CDS2: variants seen among roughly 807,000 people sequenced by gnomAD.
The protein encoded by CDS2 is CDP-diacylglycerol synthase 2, also known as phosphatidate cytidylyltransferase 2.
A neutral mutation model predicts 59.0 loss-of-function variants in CDS2; 47 were observed. That is an observed-to-expected ratio of 0.80 (90% CI 0.63 to 1.02). The LOEUF (loss-of-function observed/expected upper bound fraction) is 1.02, where lower values mean the gene tolerates loss of function less well. Among genes scored for constraint, CDS2 ranks in the 50% least tolerant of loss-of-function variants. The pLI is 0.00. For synonymous variants in CDS2, 207 were observed against 206.4 expected (o/e 1.00, Z -0.02); for missense variants, 356 against 558.9 (o/e 0.64, Z 3.66).
At chr20:5,179,804 C>T (rs758437301) in intron 5 of CDS2, among the ~76,000 whole-genome samples, 16 of 152,142 alleles carry the variant, frequency 1.1e-4, no homozygotes, top group Non-Finnish European at 2.2e-4. Context: ...AACATTAAAG[C>T]GTTATATTAG....
intron 5 of CDS2, among the ~76,000 whole-genome samples, chr20:5,181,470 A>G (rs1409143229): frequency 6.6e-6 from 1 of 152,230 alleles, no homozygotes; most frequent in East Asian, 1.9e-4. Flanking sequence ...TGTGGAGGAA[A>G]GTGAAAGCAA....
chr20:5,186,981 C>T (rs1003755983), intron 10 of CDS2, 142 bp downstream of exon 10: 15 of 885,596 alleles, frequency 1.7e-5, no homozygotes, highest in South Asian at 7.8e-5. Flanking sequence ...GAATTGCTCA[C>T]GCCAGGTCAG....
At position 5,176,712 on chromosome 20, in the gene CDS2, CAT is replaced by C. The variant is rs1162601058; in HGVS notation, c.359_360del (p.Tyr120Ter). On this transcript the variant is annotated frameshift_variant, in exon 4 of 13. Coordinates refer to ENST00000460006, the MANE Select transcript of CDS2 (RefSeq NM_003818.4). LOFTEE classifies it high-confidence loss of function. ...ACTATTGGCTACAACGTCTACCACT[CAT>C]ATGATCTGCCCTGGTTCAGGACGCT... 2 of 1,614,024 alleles carry C rather than the reference CAT, an allele frequency of 1.2e-6. No individual in the cohort carries two copies. Among genetic ancestry groups the C allele is most frequent in the East Asian group, 2.2e-5 (1 of 44,892 alleles).
At chr20:5,130,748 A>C (rs1274202475) in intron 1 of CDS2, among the ~76,000 whole-genome samples, 1 of 150,826 alleles carries the variant, frequency 6.6e-6, no homozygotes, top group East Asian at 2.0e-4. Context: ...GCGCCGTTGC[A>C]CTCCATCCAG....
intron 1 of CDS2, among the ~76,000 whole-genome samples, chr20:5,156,951 A>G (rs1343958184): frequency 6.6e-6 from 1 of 152,206 alleles, no homozygotes; most frequent in African/African-American, 2.4e-5. Flanking sequence ...AAGGGAGCAC[A>G]GTGCTCTGAT....
intron 4 of CDS2, 41 bp from the exon 5 acceptor site, chr20:5,178,776 C>T (rs754305282): frequency 1.2e-6 from 2 of 1,611,820 alleles, no homozygotes; most frequent in Admixed American, 3.3e-5. Flanking sequence ...GCTGTGAAGG[C>T]AAGGGTGCTC....
chr20:5,176,737 G>C lies in CDS2; in HGVS notation c.381G>C (p.Thr127=), dbSNP rs145582118. The change falls in exon 4 of 13, where the codon ACG becomes ACC. Residue 127 remains threonine, a synonymous_variant. Transcript: ENST00000460006. ...YHSYDLPWFR[T]LSWYFLLCVN... ...CATATGATCTGCCCTGGTTCAGGAC[G>C]CTCAGCTGGTAAGCTCTCCGGCCCC... is the stretch of plus-strand genomic sequence containing the variant. 43 of 1,611,990 alleles carry C rather than the reference G, an allele frequency of 2.7e-5. No homozygotes were observed. Among genetic ancestry groups the C allele is most frequent in the Non-Finnish European group, 3.6e-5 (42 of 1,178,212 alleles).
At chr20:5,164,663 G>A (rs1448096520) in intron 1 of CDS2, among the ~76,000 whole-genome samples, 1 of 151,676 alleles carries the variant, frequency 6.6e-6, no homozygotes, top group East Asian at 1.9e-4. Flanking sequence ...CCCCAGTAGC[G>A]CTGAAAACTC....
At chr20:5,140,830 G>C (rs1439542533) in intron 1 of CDS2, among the ~76,000 whole-genome samples, 1 of 152,166 alleles carries the variant, frequency 6.6e-6, no homozygotes, top group Admixed American at 6.5e-5. Flanking sequence ...AATCATATTT[G>C]AGCTTGATCA....
At chr20:5,168,638 G>A (rs1361560438) in intron 1 of CDS2, 3 of 518,412 alleles carry the variant, frequency 5.8e-6, no homozygotes, top group Non-Finnish European at 1.2e-5. Flanking sequence ...AGTGAAGACC[G>A]AAAGGGAGCC....
chr20:5,153,326 C>T (rs1238475802), intron 1 of CDS2, among the ~76,000 whole-genome samples: 1 of 152,168 alleles, frequency 6.6e-6, no homozygotes, highest in Non-Finnish European at 1.5e-5. Context: ...AATGACTTTT[C>T]ATAAAGTAAG....
chr20:5,151,603 AAAT>A (rs1284643060), intron 1 of CDS2, among the ~76,000 whole-genome samples: 3 of 151,946 alleles, frequency 2.0e-5, no homozygotes, highest in Non-Finnish European at 2.9e-5. Flanking sequence ...CTTAAAAAAA[AAAT>A]AAATAAAATT....
chr20:5,133,436 G>A (rs2090623995), intron 1 of CDS2, among the ~76,000 whole-genome samples: 1 of 152,198 alleles, frequency 6.6e-6, no homozygotes, highest in African/African-American at 2.4e-5. Flanking sequence ...TTATTTTATA[G>A]AAGAGGATGC....
intron 10 of CDS2, among the ~76,000 whole-genome samples, chr20:5,188,184 G>T (rs1254481029): frequency 6.6e-6 from 1 of 152,022 alleles, no homozygotes; most frequent in Non-Finnish European, 1.5e-5. Context: ...TTTCTAAATG[G>T]CTGATGCATG....
chr20:5,171,421 G>A (rs1324896161), intron 1 of CDS2, among the ~76,000 whole-genome samples: 1 of 152,240 alleles, frequency 6.6e-6, no homozygotes. Flanking sequence ...TGCATCTGTG[G>A]GAGCCTCAGT....
At chr20:5,137,269 A>T in intron 1 of CDS2, among the ~76,000 whole-genome samples, 1 of 143,394 alleles carries the variant, frequency 7.0e-6, no homozygotes. Flanking sequence ...TTTGAGATGG[A>T]GTCTCGCCCT....
At chr20:5,181,632 G>A (rs1198970520) in intron 5 of CDS2, among the ~76,000 whole-genome samples, 1 of 152,178 alleles carries the variant, frequency 6.6e-6, no homozygotes, top group Non-Finnish European at 1.5e-5. Flanking sequence ...TTAACCATGG[G>A]CTATGTTCTC....
chr20:5,151,224 C>T (rs2090786597), intron 1 of CDS2, among the ~76,000 whole-genome samples: 1 of 151,994 alleles, frequency 6.6e-6, no homozygotes. Context: ...AGTATCAGTC[C>T]CAATATTTCA....
intron 1 of CDS2, among the ~76,000 whole-genome samples, chr20:5,166,724 G>A (rs771891688): frequency 1.3e-5 from 2 of 152,180 alleles, no homozygotes; most frequent in Non-Finnish European, 2.9e-5. Flanking sequence ...AAGCTGCTGA[G>A]GGATTGAACG....
Sources: allele counts gnomAD v4.1 joint callset (sites outside exome capture counted in the v4.1 genomes callset), GRCh38; gene constraint gnomAD v4.1.1; transcripts MANE v1.5; gene names NCBI Gene and HGNC (gene_info 2026-07-23, HGNC 2026-07-21).